SYN3: variants seen among roughly 807,000 people sequenced by gnomAD.
The protein encoded by SYN3 is synapsin III.
Under a neutral mutation model 65.8 loss-of-function variants are expected in SYN3, and 35 were observed. That is an observed-to-expected ratio of 0.53 (90% CI 0.41 to 0.70). The LOEUF (loss-of-function observed/expected upper bound fraction) is 0.70, where lower values mean the gene tolerates loss of function less well. Among genes scored for constraint, SYN3 ranks in the 30% least tolerant of loss-of-function variants. SYN3 has a pLI of 0.00. For missense variants in SYN3, 680 were observed against 749.0 expected, an observed-to-expected ratio of 0.91 and a Z score of 1.08; for synonymous variants, 270 against 292.9, an observed-to-expected ratio of 0.92 and a Z score of 0.80.
chr22:32,729,698 G>T (rs1242112952), intron 6 of SYN3, among the ~76,000 whole-genome samples: 1 of 152,162 alleles, frequency 6.6e-6, no homozygotes, highest in Non-Finnish European at 1.5e-5. Flanking sequence ...GAGAGAAAAG[G>T]TTGAATTTAC....
At chr22:32,545,750 G>A (rs1327003930) in intron 7 of SYN3, among the ~76,000 whole-genome samples, 1 of 152,066 alleles carries the variant, frequency 6.6e-6, no homozygotes, top group Non-Finnish European at 1.5e-5. Flanking sequence ...TAGTAGAGAC[G>A]TGGTTTCACC....
intron 7 of SYN3, among the ~76,000 whole-genome samples, chr22:32,572,348 CCTTCCCTTA>C (rs1423183791): frequency 1.0e-5 from 1 of 99,096 alleles, no homozygotes; most frequent in Admixed American, 1.0e-4. Context: ...TTCCTTCCTT[CCTTCCCTTA>C]CTTCCCTTCC....
intron 6 of SYN3, among the ~76,000 whole-genome samples, chr22:32,613,141 C>T (rs2059469439): frequency 1.3e-5 from 2 of 151,954 alleles, no homozygotes; most frequent in African/African-American, 2.4e-5. Flanking sequence ...AGCCATGCCT[C>T]CTGTACAGCC....
At chr22:33,039,222 C>T (rs980853724) in intron 1 of SYN3, among the ~76,000 whole-genome samples, 1 of 152,132 alleles carries the variant, frequency 6.6e-6, no homozygotes, top group Non-Finnish European at 1.5e-5. Flanking sequence ...CCGGGCAGTA[C>T]GGTGTGGAGC....
intron 6 of SYN3, among the ~76,000 whole-genome samples, chr22:32,741,346 A>AGTTTTTTTTTTTTT (rs1569186814): frequency 7.3e-6 from 1 of 137,322 alleles, no homozygotes; most frequent in African/African-American, 2.7e-5. Flanking sequence ...TCTAGAGCCC[A>AGTTTTTTTTTTTTT]ATTTTTTTTT....
At chr22:32,696,205 AAG>A (rs1601930945) in intron 6 of SYN3, among the ~76,000 whole-genome samples, 1 of 152,156 alleles carries the variant, frequency 6.6e-6, no homozygotes, top group African/African-American at 2.4e-5. Flanking sequence ...GGGAAGGGCA[AAG>A]AGAGAGAGTA....
At chr22:32,970,299 T>C (rs2051977579) in intron 3 of SYN3, among the ~76,000 whole-genome samples, 1 of 152,100 alleles carries the variant, frequency 6.6e-6, no homozygotes, top group Admixed American at 6.6e-5. Context: ...TCAAACCTAG[T>C]TGATCTGGCT....
chr22:32,842,278 T>C (rs548819002), intron 6 of SYN3, among the ~76,000 whole-genome samples: 2 of 152,270 alleles, frequency 1.3e-5, no homozygotes, highest in African/African-American at 4.8e-5. Flanking sequence ...GGAGGGTTTT[T>C]TTGGGAGTTG....
chr22:32,938,531 G>GA (rs1381175480), intron 3 of SYN3, among the ~76,000 whole-genome samples: 1,494 of 71,916 alleles, frequency 0.021, 21 homozygotes, highest in African/African-American at 0.065. Context: ...CTCTGTCTCA[G>GA]AAAAAAAAAA....
intron 3 of SYN3, among the ~76,000 whole-genome samples, chr22:32,932,848 G>A (rs1287418270): frequency 1.3e-5 from 2 of 152,158 alleles, no homozygotes; most frequent in Non-Finnish European, 2.9e-5. Context: ...CCAAAATCAA[G>A]GTGCTGGTAG....
chr22:32,725,905 T>C (rs1419214337), intron 6 of SYN3, among the ~76,000 whole-genome samples: 1 of 152,228 alleles, frequency 6.6e-6, no homozygotes, highest in Non-Finnish European at 1.5e-5. Flanking sequence ...TATGTGTAGT[T>C]TGAGTCTTAT....
At chr22:32,987,721 G>T (rs2052568901) in intron 2 of SYN3, among the ~76,000 whole-genome samples, 1 of 152,014 alleles carries the variant, frequency 6.6e-6, no homozygotes. Context: ...GATTTTTGTG[G>T]GCAGGATCTG....
chr22:32,723,621 G>A (rs920610561), intron 6 of SYN3, among the ~76,000 whole-genome samples: 4 of 152,348 alleles, frequency 2.6e-5, no homozygotes, highest in South Asian at 2.1e-4. Flanking sequence ...TTCCAAGCTC[G>A]ATATACCCTT....
At chr22:33,011,333 T>G (rs1347950437) in intron 1 of SYN3, among the ~76,000 whole-genome samples, 2 of 152,198 alleles carry the variant, frequency 1.3e-5, no homozygotes, top group Non-Finnish European at 2.9e-5. Flanking sequence ...GGATTATATG[T>G]TTTTGAAACC....
intron 3 of SYN3, among the ~76,000 whole-genome samples, chr22:32,949,442 G>T (rs2051219203): frequency 6.6e-6 from 1 of 152,010 alleles, no homozygotes; most frequent in Non-Finnish European, 1.5e-5. Flanking sequence ...TTGGGTTTTG[G>T]AGTATTCTGG....
At chr22:32,704,537 C>T (rs1021558830) in intron 6 of SYN3, among the ~76,000 whole-genome samples, 5 of 152,106 alleles carry the variant, frequency 3.3e-5, no homozygotes, top group South Asian at 2.1e-4. Flanking sequence ...TATGCATGCA[C>T]GTGTCTTTAT....
rs1555931894 is a variant in SYN3, at chr22:32,710,645, A to AAAAAAAAAAAAAAAAAAAAAG, written c.712-113910_712-113909insCTTTTTTTTTTTTTTTTTTTT. On this transcript the variant is annotated intron_variant, in intron 6 of 13. Coordinates refer to ENST00000358763, the MANE Select transcript of SYN3 (RefSeq NM_003490.4). ...GAGACTCTGTCTCAAAAAAAAAAAAAAAAGAAAGAAAGAAAAAGAAAGAAA... is the reference window on the plus strand; with the variant it reads ...GAGACTCTGTCTCAAAAAAAAAAAAAAAAAAAAAAAAAAAAAAAAAGAAAGAAAGAAAGAAAAAGAAAGAAA... Among the ~76,000 whole-genome samples, 48 of 126,992 alleles carry AAAAAAAAAAAAAAAAAAAAAG rather than the reference A, an allele frequency of 3.8e-4. No homozygotes were observed. The East Asian group carries it at 4.2e-3, about 11-fold the overall frequency. 83.3% of individuals were successfully genotyped at this position (126,992 alleles called of 152,430 possible).
intron 6 of SYN3, among the ~76,000 whole-genome samples, chr22:32,601,498 G>T (rs1197644634): frequency 2.0e-5 from 3 of 152,134 alleles, no homozygotes; most frequent in East Asian, 3.9e-4. Context: ...AGAATGGTCT[G>T]GATCTCCTGA....
chr22:32,520,167 G>C, intron 12 of SYN3, among the ~76,000 whole-genome samples: 1 of 152,174 alleles, frequency 6.6e-6, no homozygotes, highest in East Asian at 1.9e-4. Context: ...TAATTAAAGA[G>C]ATGGGGTCTC....
Sources: gnomAD v4.1 joint callset for allele counts (sites outside exome capture counted in the v4.1 genomes callset) on GRCh38, gnomAD v4.1.1 for gene constraint, MANE v1.5 for transcripts, NCBI Gene and HGNC (gene_info 2026-07-23, HGNC 2026-07-21) for gene names.